Variants in DMD observed in about 807,000 individuals in gnomAD.
DMD encodes the protein dystrophin.
Under a neutral mutation model 330.1 loss-of-function variants are expected in DMD, and 63 were observed. The observed-to-expected ratio is 0.19, with a 90% confidence interval of 0.16 to 0.24. The LOEUF (loss-of-function observed/expected upper bound fraction) is 0.24, where lower values mean the gene tolerates loss of function less well. Among genes scored for constraint, DMD ranks in the 10% least tolerant of loss-of-function variants. DMD has a pLI of 1.00. For missense variants in DMD, 3,344 were observed against 2,684.1 expected, an observed-to-expected ratio of 1.25 and a Z score of -5.43; for synonymous variants, 1,223 against 959.8, an observed-to-expected ratio of 1.27 and a Z score of -5.07.
chrX:33,119,833 G>T (rs982288871), intron 1 of DMD, among the ~76,000 whole-genome samples: 1 of 111,599 alleles, frequency 9.0e-6, no homozygotes, highest in East Asian at 2.8e-4. Context: ...ATTAGACTAG[G>T]ATGGAAACAA....
chrX:32,116,980 G>A (rs753949590), intron 44 of DMD, among the ~76,000 whole-genome samples: 9 of 111,465 alleles, frequency 8.1e-5, no homozygotes, highest in African/African-American at 1.3e-4. Context: ...TCTATCTGTC[G>A]TCAGTTTAAT....
chrX:32,030,397 C>T (rs191017285), intron 44 of DMD, among the ~76,000 whole-genome samples: 1 of 112,115 alleles, frequency 8.9e-6, no homozygotes, highest in Non-Finnish European at 1.9e-5. Flanking sequence ...TGAAATAATT[C>T]TCTTACATGT....
chrX:32,653,723 C>A (rs1223478716), intron 9 of DMD, among the ~76,000 whole-genome samples: 2 of 111,609 alleles, frequency 1.8e-5, no homozygotes, highest in Non-Finnish European at 3.8e-5. Flanking sequence ...ATGGGGATGG[C>A]ATTGAATCTA....
intron 7 of DMD, among the ~76,000 whole-genome samples, chrX:32,710,564 C>A (rs942972230): frequency 3.6e-5 from 4 of 111,133 alleles, no homozygotes; most frequent in Admixed American, 2.9e-4. Flanking sequence ...ATACTCAAGA[C>A]ACAGGAAAAC....
At position 31,554,828 on chromosome X, in the gene DMD, C is replaced by G. The variant is rs770210829; in HGVS notation, c.8218-47375G>C. Reference sequence around the variant, plus strand: ...CTAAACAGGAATACAAATTCATGGGCAATTGAAATACCATATGGCAAAGGG... The same window carrying G: ...CTAAACAGGAATACAAATTCATGGGGAATTGAAATACCATATGGCAAAGGG... On this transcript the variant is annotated intron_variant, in intron 55 of 78. Transcript: ENST00000357033. Among the ~76,000 whole-genome samples, 3 of 111,614 alleles carry G rather than the reference C, an allele frequency of 2.7e-5. No homozygotes were observed. The East Asian group carries it at 8.5e-4, about 32-fold the overall frequency.
At chrX:31,131,127 G>T (rs1299904754) in intron 77 of DMD, among the ~76,000 whole-genome samples, 2 of 111,417 alleles carry the variant, frequency 1.8e-5, no homozygotes, top group Admixed American at 1.9e-4. Context: ...AACTATAAAG[G>T]TCTCTGAGAC....
intron 55 of DMD, among the ~76,000 whole-genome samples, chrX:31,622,407 T>C (rs1421873118): frequency 9.0e-6 from 1 of 111,609 alleles, no homozygotes; most frequent in Non-Finnish European, 1.9e-5. Context: ...ATTTCTATTC[T>C]ATTTTACTAA....
At chrX:33,159,753 C>T (rs1569556850) in intron 1 of DMD, among the ~76,000 whole-genome samples, 3 of 111,784 alleles carry the variant, frequency 2.7e-5, no homozygotes, top group Non-Finnish European at 3.8e-5. Flanking sequence ...CATACGTGTA[C>T]ATGTGTCTTT....
chrX:31,703,853 T>C (rs1160262084), intron 52 of DMD, among the ~76,000 whole-genome samples: 1 of 111,114 alleles, frequency 9.0e-6, no homozygotes, highest in Non-Finnish European at 1.9e-5. Context: ...TGAATTCTGG[T>C]TCATTTAACA....
At chrX:32,556,290 T>A (rs1260570705) in intron 16 of DMD, among the ~76,000 whole-genome samples, 4 of 110,848 alleles carry the variant, frequency 3.6e-5, no homozygotes, top group Non-Finnish European at 7.6e-5. Context: ...GTCAGAATGG[T>A]TACTATTAAA....
chrX:31,233,243 C>G (rs1455789508), intron 63 of DMD, among the ~76,000 whole-genome samples: 3 of 111,702 alleles, frequency 2.7e-5, no homozygotes, highest in Non-Finnish European at 5.6e-5. Context: ...ATGGGTAACT[C>G]AGCTACTTAC....
intron 62 of DMD, among the ~76,000 whole-genome samples, chrX:31,295,405 G>T (rs1348723272): frequency 9.1e-6 from 1 of 109,950 alleles, no homozygotes; most frequent in African/African-American, 3.3e-5. Context: ...CATTTAAGGT[G>T]TACAATTCAA....
At chrX:32,370,326 C>G (rs751351601) in intron 34 of DMD, among the ~76,000 whole-genome samples, 6 of 108,578 alleles carry the variant, frequency 5.5e-5, no homozygotes, top group Non-Finnish European at 1.2e-4. Context: ...ATTGCTTTTA[C>G]AGCCCCCAAA....
At position 33,124,476 on chromosome X, in the gene DMD, GAAAAAAAAAAA is replaced by G. The variant is rs56147804; in HGVS notation, c.31+86795_31+86805del. ...GGGCGAATAGAGGGAGACTCTGTCT[GAAAAAAAAAAA>G]AAAAAAAAAAAAAAAAAAAAAAACC... is the stretch of plus-strand genomic sequence containing the variant. On this transcript the variant is annotated intron_variant, in intron 1 of 78. Coordinates refer to ENST00000357033, the MANE Select transcript of DMD (RefSeq NM_004006.3). 1.8e-3 allele frequency among the ~76,000 whole-genome samples: 29 copies of G among 16,132 alleles called. 1 individual carries two copies. Among genetic ancestry groups the G allele is most frequent in the African/African-American group, 7.4e-3 (27 of 3,646 alleles). 14.0% of individuals were successfully genotyped at this position (16,132 alleles called of 115,157 possible).
chrX:32,624,139 G>A (rs148829163), intron 11 of DMD, among the ~76,000 whole-genome samples: 5 of 111,852 alleles, frequency 4.5e-5, no homozygotes, highest in Non-Finnish European at 7.5e-5. Flanking sequence ...AATCTACCAT[G>A]CACAGATAGG....
intron 55 of DMD, among the ~76,000 whole-genome samples, chrX:31,597,218 A>C (rs2077151275): frequency 8.9e-6 from 1 of 112,100 alleles, no homozygotes; most frequent in African/African-American, 3.2e-5. Context: ...CAAATATATA[A>C]ATTTTAAAAA....
At chrX:31,608,842 A>AG (rs1442531056) in intron 55 of DMD, among the ~76,000 whole-genome samples, 1 of 111,456 alleles carries the variant, frequency 9.0e-6, no homozygotes, top group African/African-American at 3.3e-5. Flanking sequence ...CCCTAAGACT[A>AG]GGGGTTGGGA....
intron 62 of DMD, among the ~76,000 whole-genome samples, chrX:31,285,659 G>T (rs373960051): frequency 1.5e-4 from 17 of 111,347 alleles, no homozygotes; most frequent in African/African-American, 4.9e-4. Flanking sequence ...CTTAGGTTTT[G>T]CAATTTGGAT....
chrX:33,022,554 T>C (rs745860617), intron 1 of DMD, among the ~76,000 whole-genome samples: 1 of 110,503 alleles, frequency 9.0e-6, no homozygotes, highest in South Asian at 3.8e-4. Context: ...TAATTATTAA[T>C]ACAATTAATT....
Sources: allele counts gnomAD v4.1 joint callset (sites outside exome capture counted in the v4.1 genomes callset), GRCh38; gene constraint gnomAD v4.1.1; transcripts MANE v1.5; gene names NCBI Gene and HGNC (gene_info 2026-07-23, HGNC 2026-07-21).